The following NEK1 variants were observed in gnomAD, a reference collection of about 807,000 sequenced individuals.
NEK1 encodes the protein NIMA related kinase 1.
NEK1 carries 137 observed loss-of-function variants against 182.1 expected under a neutral mutation model. That is an observed-to-expected ratio of 0.75 (90% CI 0.65 to 0.87). The LOEUF (loss-of-function observed/expected upper bound fraction) is 0.87. Among genes scored for constraint, NEK1 ranks in the 40% least tolerant of loss-of-function variants. NEK1 has a pLI of 0.00. For missense variants in NEK1, 1,391 were observed against 1,494.4 expected (o/e 0.93, Z 1.14); for synonymous variants, 513 against 492.2 (o/e 1.04, Z -0.56).
intron 19 of NEK1, among the ~76,000 whole-genome samples, chr4:169,522,696 G>A (rs1012649248): frequency 3.9e-5 from 6 of 152,224 alleles, no homozygotes; most frequent in Admixed American, 1.3e-4. Flanking sequence ...AGACTTCCAT[G>A]GTGGAGGTAC....
At position 169,588,673 on chromosome 4, in the gene NEK1, T is replaced by C. The variant is rs2150083534; in HGVS notation, c.527A>G (p.Glu176Gly). 1 of 1,548,172 alleles carries C rather than the reference T, an allele frequency of 6.5e-7. No homozygotes were observed. Among genetic ancestry groups the C allele is most frequent in the South Asian group, 1.2e-5 (1 of 83,898 alleles). The part of the protein sequence containing the change: ...TPYYLSPEIC[E>G]NKPYNNKSDI... Reference sequence around the variant, plus strand: ...CCTTTTATTATTGTAAGGTTTGTTTTCACAGATTTCAGGTGACAAGTAGTA... The same window carrying C: ...CCTTTTATTATTGTAAGGTTTGTTTCCACAGATTTCAGGTGACAAGTAGTA... Residue 176 changes from glutamate (E) to glycine (G), a missense_variant, in exon 8 of 36, where the codon GAA becomes GGA. Glu to Gly is a moderately conservative substitution (Grantham distance 98). Transcript: ENST00000507142.
At chr4:169,480,538 A>G (rs58143760) in intron 23 of NEK1, among the ~76,000 whole-genome samples, 14,102 of 147,978 alleles carry the variant, frequency 0.095, 753 homozygotes, top group East Asian at 0.17. Context: ...AAAGCTAATG[A>G]TTCTTCTGAG....
At chr4:169,437,004 C>G (rs1292682827) in intron 28 of NEK1, among the ~76,000 whole-genome samples, 1 of 152,166 alleles carries the variant, frequency 6.6e-6, no homozygotes, top group Admixed American at 6.5e-5. Context: ...ACTGTGTAAG[C>G]TCAGACTGAA....
At chr4:169,426,042 T>C in intron 30 of NEK1, 104 bp downstream of exon 30, 2 of 795,002 alleles carry the variant, frequency 2.5e-6, no homozygotes, top group Non-Finnish European at 4.1e-6. Flanking sequence ...AGATGACTGA[T>C]AAGGAATGCT....
intron 27 of NEK1, among the ~76,000 whole-genome samples, chr4:169,442,943 T>C (rs1561195402): frequency 6.6e-6 from 1 of 151,846 alleles, no homozygotes; most frequent in African/African-American, 2.4e-5. Context: ...GAAGATAAGG[T>C]GGAAGGATCT....
At chr4:169,438,387 C>T in intron 27 of NEK1, 128 bp from the exon 28 acceptor site, 2 of 650,232 alleles carry the variant, frequency 3.1e-6, no homozygotes, top group Admixed American at 6.0e-5. Context: ...AGCTCTGTTA[C>T]ATATTAGAAG....
chr4:169,400,120 G>A, intron 35 of NEK1, 105 bp downstream of exon 35: 3 of 1,097,514 alleles, frequency 2.7e-6, no homozygotes, highest in Non-Finnish European at 4.1e-6. Context: ...TAGTTCCCAA[G>A]TAGATTTCAC....
At chr4:169,518,426 ATCAATTTTGTTGATCCTT>A (rs1231604787) in intron 19 of NEK1, among the ~76,000 whole-genome samples, 5 of 139,964 alleles carry the variant, frequency 3.6e-5, no homozygotes, top group African/African-American at 1.5e-4. Context: ...ATAGCGGTCT[ATCAATTTTGTTGATCCTT>A]TCAAAAAACC....
intron 12 of NEK1, among the ~76,000 whole-genome samples, chr4:169,566,534 C>A (rs932282542): frequency 6.6e-6 from 1 of 151,982 alleles, no homozygotes; most frequent in Non-Finnish European, 1.5e-5. Context: ...TTTGCTTTAA[C>A]AGAGCCTTTA....
intron 23 of NEK1, among the ~76,000 whole-genome samples, chr4:169,485,232 A>G (rs1241731608): frequency 1.3e-5 from 2 of 152,202 alleles, no homozygotes; most frequent in Admixed American, 6.5e-5. Flanking sequence ...AGAAGAACCT[A>G]AACAGACAAA....
chr4:169,466,551 A>G (rs142034480), intron 26 of NEK1, among the ~76,000 whole-genome samples: 86 of 152,200 alleles, frequency 5.7e-4, no homozygotes, highest in African/African-American at 2.0e-3. Context: ...TTAGAATTCT[A>G]TGTCTCAGAA....
At position 169,463,412 on chromosome 4, in the gene NEK1, C is replaced by T. The variant is rs1744337287; in HGVS notation, c.2435-17G>A. 1 of 1,569,014 alleles carries T rather than the reference C, an allele frequency of 6.4e-7. No homozygotes were observed. The highest frequency in any genetic ancestry group is 2.3e-5 in the East Asian group (1 of 43,828). On this transcript the variant is annotated splice_polypyrimidine_tract_variant and intron_variant, in intron 26 of 35. Coordinates refer to ENST00000507142, the MANE Select transcript of NEK1 (RefSeq NM_001199397.3). ...CTGTATGTCCTATAAGAAAAATATA[C>T]AAAGAAACAATTTTCAATAACAGTA...
At chr4:169,523,851 A>G (rs1318847726) in intron 19 of NEK1, among the ~76,000 whole-genome samples, 1 of 152,226 alleles carries the variant, frequency 6.6e-6, no homozygotes, top group Non-Finnish European at 1.5e-5. Context: ...TCTGTATAAA[A>G]TTAAATCAAT....
chr4:169,551,647 T>A (rs1472810046), intron 18 of NEK1, among the ~76,000 whole-genome samples: 3 of 152,152 alleles, frequency 2.0e-5, no homozygotes, highest in African/African-American at 7.2e-5. Context: ...AAGGAAAAGG[T>A]ATGCAAGAAA....
chr4:169,530,518 T>C (rs1183587364), intron 19 of NEK1, among the ~76,000 whole-genome samples: 2 of 152,288 alleles, frequency 1.3e-5, no homozygotes, highest in Non-Finnish European at 1.5e-5. Context: ...GATCTTAGCA[T>C]GTTTAAGGTA....
At chr4:169,426,340 G>T (rs1405248842) in intron 29 of NEK1, 106 bp from the exon 30 acceptor site, 3 of 816,620 alleles carry the variant, frequency 3.7e-6, no homozygotes, top group Non-Finnish European at 6.1e-6. Context: ...AGCATTCTTT[G>T]ATCCCTCTTC....
At chr4:169,570,461 GA>G (rs1764580383) in intron 12 of NEK1, among the ~76,000 whole-genome samples, 1 of 150,624 alleles carries the variant, frequency 6.6e-6, no homozygotes, top group East Asian at 2.0e-4. Flanking sequence ...GAGGTGGGGG[GA>G]TCAGCCCCCC....
chr4:169,510,051 C>G (rs1273371359), intron 19 of NEK1, among the ~76,000 whole-genome samples: 1 of 152,118 alleles, frequency 6.6e-6, no homozygotes, highest in African/African-American at 2.4e-5. Context: ...TAAAAAGTCT[C>G]TCTTCTCTTT....
chr4:169,576,697 T>C (rs900140257), intron 12 of NEK1: 34 of 307,644 alleles, frequency 1.1e-4, no homozygotes, highest in African/African-American at 7.1e-4. Context: ...ATTTATAATG[T>C]CACTCGCTTT....
Sources: gnomAD v4.1 joint callset for allele counts (sites outside exome capture counted in the v4.1 genomes callset) on GRCh38, gnomAD v4.1.1 for gene constraint, MANE v1.5 for transcripts, NCBI Gene and HGNC (gene_info 2026-07-23, HGNC 2026-07-21) for gene names.